ATP2B2: variants seen among roughly 807,000 people sequenced by gnomAD.
ATP2B2 encodes ATPase plasma membrane Ca2+ transporting 2, also known as plasma membrane calcium-transporting ATPase 2.
A neutral mutation model predicts 120.0 loss-of-function variants in ATP2B2; 15 were observed. The ratio of observed to expected loss-of-function variants is 0.12; its 90% confidence interval spans 0.08 to 0.19. The LOEUF (loss-of-function observed/expected upper bound fraction) is 0.19. ATP2B2 is among the 10% of genes least tolerant of loss of function. The probability of loss-of-function intolerance (pLI) is 1.00; values close to 1 mark genes in which losing one functional copy is unlikely to be tolerated. For missense variants in ATP2B2, 1,045 were observed against 1,719.8 expected (o/e 0.61, Z 6.94); for synonymous variants, 694 against 700.3 (o/e 0.99, Z 0.14).
intron 1 of ATP2B2, among the ~76,000 whole-genome samples, chr3:10,479,198 T>C (rs2065311752): frequency 7.0e-6 from 1 of 143,264 alleles, no homozygotes; most frequent in Admixed American, 7.3e-5. Context: ...GCTGATCACA[T>C]CACAGCATCC....
At chr3:10,557,831 A>T (rs2067814605) in intron 2 of ATP2B2, among the ~76,000 whole-genome samples, 1 of 152,150 alleles carries the variant, frequency 6.6e-6, no homozygotes, top group Non-Finnish European at 1.5e-5. Flanking sequence ...CCATCCTGCT[A>T]AGAACAGGAA....
chr3:10,631,521 T>C (rs968558787), intron 1 of ATP2B2, among the ~76,000 whole-genome samples: 9 of 152,204 alleles, frequency 5.9e-5, no homozygotes, highest in African/African-American at 2.2e-4. Flanking sequence ...TTAATCAAGC[T>C]GCCACCCCTC....
intron 1 of ATP2B2, among the ~76,000 whole-genome samples, chr3:10,632,478 G>A (rs192500868): frequency 1.3e-5 from 2 of 152,344 alleles, no homozygotes; most frequent in East Asian, 3.9e-4. Flanking sequence ...TTTGTTCTAA[G>A]GCTCAGTGAA....
Position 10,487,778 on chromosome 3 carries a change from C to A in ATP2B2, c.-320+17687G>T, listed in dbSNP as rs1265227214. Among the ~76,000 whole-genome samples the A allele has an allele frequency of 2.6e-5, 4 of 152,188 alleles. No homozygotes were observed. The East Asian group carries it at 7.7e-4, about 29-fold the overall frequency. On this transcript the variant is annotated intron_variant, in intron 1 of 22. Coordinates refer to ENST00000360273, the MANE Select transcript of ATP2B2 (RefSeq NM_001001331.4). ...CCATGGTGCCAGGCACCACTGAAAG[C>A]CACTATCTGAAAGTGCCTCCAACAG...
At chr3:10,657,593 G>A (rs374315924) in intron 1 of ATP2B2, among the ~76,000 whole-genome samples, 95 of 152,338 alleles carry the variant, frequency 6.2e-4, no homozygotes, top group Admixed American at 1.1e-3. Flanking sequence ...TAAACAAAGC[G>A]GCCTGGAAGC....
At chr3:10,628,160 C>T (rs903207270) in intron 1 of ATP2B2, among the ~76,000 whole-genome samples, 1 of 152,190 alleles carries the variant, frequency 6.6e-6, no homozygotes, top group African/African-American at 2.4e-5. Flanking sequence ...GGCAGAGGCC[C>T]GACAACCCAG....
intron 5 of ATP2B2, among the ~76,000 whole-genome samples, chr3:10,392,917 G>A (rs2061902070): frequency 6.6e-6 from 1 of 152,234 alleles, no homozygotes; most frequent in South Asian, 2.1e-4. Flanking sequence ...GGGTAGGGTG[G>A]ACAGCTACAT....
chr3:10,340,443 C>T lies in ATP2B2; in HGVS notation c.3129+50G>A, dbSNP rs531432446. On this transcript the variant is annotated intron_variant, in intron 20 of 22. Coordinates refer to ENST00000360273, the MANE Select transcript of ATP2B2 (RefSeq NM_001001331.4). The surrounding 1 kb of genome is among the most constrained non-coding windows in gnomAD (Gnocchi z 5.0). The stretch of plus-strand genomic sequence containing the variant: ...CTCTCAGGGTCCTGCCCAGGGGCTC[C>T]AGCCGCTTGCTGCCCACCCCGGGCC... 99 of 1,613,894 alleles carry T rather than the reference C, an allele frequency of 6.1e-5. No homozygotes were observed. In the East Asian group the frequency reaches 2.2e-3, roughly 36 times the overall value.
intron 2 of ATP2B2, among the ~76,000 whole-genome samples, chr3:10,560,339 C>T (rs1476185769): frequency 1.3e-5 from 2 of 152,324 alleles, no homozygotes; most frequent in East Asian, 3.9e-4. Flanking sequence ...GGATGGAGCT[C>T]AGCAGATGTT....
intron 1 of ATP2B2, among the ~76,000 whole-genome samples, chr3:10,657,280 T>A (rs935584309): frequency 5.9e-5 from 9 of 152,222 alleles, no homozygotes; most frequent in African/African-American, 2.2e-4. Context: ...TGCCGTTCCC[T>A]CTTCCTACAA....
At chr3:10,388,148 A>G (rs2061736791) in intron 6 of ATP2B2, 129 bp downstream of exon 6, 1 of 1,359,060 alleles carries the variant, frequency 7.4e-7, no homozygotes, top group East Asian at 2.4e-5. Context: ...AGGATGCAGG[A>G]GGTGGCTGTC....
At chr3:10,593,582 T>C (rs2068694201) in intron 2 of ATP2B2, among the ~76,000 whole-genome samples, 1 of 152,170 alleles carries the variant, frequency 6.6e-6, no homozygotes, top group East Asian at 1.9e-4. Flanking sequence ...ATTAAAGACT[T>C]AAATGTTAGA....
intron 1 of ATP2B2, among the ~76,000 whole-genome samples, chr3:10,477,589 T>G (rs2065253428): frequency 6.6e-6 from 1 of 152,200 alleles, no homozygotes; most frequent in Non-Finnish European, 1.5e-5. Context: ...ACCATTCCAT[T>G]TTCTGTTTCT....
At chr3:10,585,060 G>A (rs1371125749) in intron 2 of ATP2B2, among the ~76,000 whole-genome samples, 1 of 152,048 alleles carries the variant, frequency 6.6e-6, no homozygotes, top group East Asian at 1.9e-4. Flanking sequence ...ATCACCTCTG[G>A]TCTGGATGCC....
intron 2 of ATP2B2, among the ~76,000 whole-genome samples, chr3:10,606,969 A>G (rs2069101652): frequency 1.3e-5 from 1 of 76,230 alleles, no homozygotes; most frequent in African/African-American, 5.7e-5. Flanking sequence ...GGGGAGAGAG[A>G]GAGAGAGAGA....
intron 3 of ATP2B2, among the ~76,000 whole-genome samples, chr3:10,524,925 A>C (rs922799847): frequency 3.9e-5 from 6 of 152,002 alleles, no homozygotes; most frequent in Non-Finnish European, 7.4e-5. Flanking sequence ...TATCCATCCA[A>C]CACTCAACCA....
At chr3:10,348,578 C>T (rs1574974827) in intron 16 of ATP2B2, among the ~76,000 whole-genome samples, 1 of 152,194 alleles carries the variant, frequency 6.6e-6, no homozygotes, top group East Asian at 1.9e-4. Flanking sequence ...TTGAAGGCAT[C>T]TGGGGATCTT....
At chr3:10,475,112 T>C (rs1389778906) in intron 1 of ATP2B2, among the ~76,000 whole-genome samples, 1 of 152,168 alleles carries the variant, frequency 6.6e-6, no homozygotes, top group Admixed American at 6.5e-5. Flanking sequence ...TGAGCGGGCG[T>C]CAGCACGAGG....
chr3:10,542,991 T>A (rs1215253333), intron 2 of ATP2B2, among the ~76,000 whole-genome samples: 1 of 152,214 alleles, frequency 6.6e-6, no homozygotes, highest in Non-Finnish European at 1.5e-5. Flanking sequence ...AATCTTTTGT[T>A]AAATCAAGGC....
Sources: allele counts gnomAD v4.1 joint callset (sites outside exome capture counted in the v4.1 genomes callset), GRCh38; gene constraint gnomAD v4.1.1; non-coding constraint Gnocchi (gnomAD v3.1); transcripts MANE v1.5; gene names NCBI Gene and HGNC (gene_info 2026-07-23, HGNC 2026-07-21).